The following GALNT13 variants were observed in gnomAD, a reference collection of about 807,000 sequenced individuals.
GALNT13 encodes UDP-GalNAc:polypeptide N-acetylgalactosaminyltransferase 13.
GALNT13 carries 28 observed loss-of-function variants against 64.2 expected under a neutral mutation model. The observed-to-expected ratio is 0.44, with a 90% CI of 0.32 to 0.60. The LOEUF (loss-of-function observed/expected upper bound fraction) is 0.60. Among genes scored for constraint, GALNT13 ranks in the 20% least tolerant of loss-of-function variants. The pLI is 0.05. For missense variants in GALNT13, 577 were observed against 669.8 expected (o/e 0.86, Z 1.53); for synonymous variants, 214 against 224.6 (o/e 0.95, Z 0.42).
At chr2:154,045,963 T>A (rs1381072907) in intron 3 of GALNT13, among the ~76,000 whole-genome samples, 1 of 152,148 alleles carries the variant, frequency 6.6e-6, no homozygotes, top group Non-Finnish European at 1.5e-5. Context: ...AGTTTTTTTT[T>A]GCTTGTTCAT....
intron 8 of GALNT13, among the ~76,000 whole-genome samples, chr2:154,260,698 T>C (rs1690650438): frequency 6.6e-6 from 1 of 152,300 alleles, no homozygotes; most frequent in East Asian, 1.9e-4. Flanking sequence ...GTTATGGTTC[T>C]TATGGTGAAA....
the GALNT13 span, among the ~76,000 whole-genome samples, chr2:153,602,526 G>A: frequency 1.3e-4 from 20 of 151,734 alleles, no homozygotes; most frequent in Admixed American, 1.3e-3. Flanking sequence ...TAGCCATGTG[G>A]ACATACGGGC....
At chr2:154,241,755 T>A (rs1039157137) in intron 4 of GALNT13, among the ~76,000 whole-genome samples, 4 of 152,196 alleles carry the variant, frequency 2.6e-5, no homozygotes, top group Non-Finnish European at 5.9e-5. Flanking sequence ...TTATTTTATA[T>A]TTCTTAGGTT....
chr2:153,100,698 A>G, the GALNT13 span, among the ~76,000 whole-genome samples: 1 of 152,200 alleles, frequency 6.6e-6, no homozygotes. Flanking sequence ...AGACAGGCAT[A>G]CACATAGACT....
the GALNT13 span, among the ~76,000 whole-genome samples, chr2:153,422,296 A>T: frequency 6.6e-6 from 1 of 152,234 alleles, no homozygotes; most frequent in African/African-American, 2.4e-5. Context: ...AGAATAATGA[A>T]GTCATCCAAA....
the GALNT13 span, among the ~76,000 whole-genome samples, chr2:153,362,343 G>C: frequency 2.0e-5 from 3 of 151,912 alleles, no homozygotes; most frequent in African/African-American, 7.3e-5. Context: ...TAACCAGCTA[G>C]CATCATGATG....
At chr2:154,161,489 G>T (rs957901121) in intron 4 of GALNT13, among the ~76,000 whole-genome samples, 2 of 152,126 alleles carry the variant, frequency 1.3e-5, no homozygotes, top group Admixed American at 1.3e-4. Flanking sequence ...TTACGTGGGT[G>T]GCTGAGACAG....
chr2:153,118,108 A>ACACACAC, the GALNT13 span, among the ~76,000 whole-genome samples: 1 of 12,782 alleles, frequency 7.8e-5, no homozygotes, highest in East Asian at 3.6e-3. Flanking sequence ...ACTATGTACC[A>ACACACAC]ACACACACAC....
At chr2:154,138,721 T>G (rs1180286458) in intron 3 of GALNT13, among the ~76,000 whole-genome samples, 1 of 152,000 alleles carries the variant, frequency 6.6e-6, no homozygotes, top group Non-Finnish European at 1.5e-5. Context: ...AAAAAATTTT[T>G]TTAATCTTAC....
intron 3 of GALNT13, among the ~76,000 whole-genome samples, chr2:153,988,088 A>ACG (rs1332717410): frequency 1.3e-5 from 2 of 151,810 alleles, no homozygotes. Context: ...ACACACACAC[A>ACG]CACACACACA....
At chr2:153,483,560 G>C in the GALNT13 span, among the ~76,000 whole-genome samples, 1 of 151,858 alleles carries the variant, frequency 6.6e-6, no homozygotes, top group Non-Finnish European at 1.5e-5. Flanking sequence ...GGGATTACAG[G>C]TATGAGGCAC....
At chr2:154,429,482 A>G (rs1700616986) in intron 11 of GALNT13, among the ~76,000 whole-genome samples, 1 of 152,172 alleles carries the variant, frequency 6.6e-6, no homozygotes, top group African/African-American at 2.4e-5. Context: ...TAATTCTATG[A>G]TGGGTGAGAA....
At chr2:154,084,513 C>A (rs757543954) in intron 3 of GALNT13, among the ~76,000 whole-genome samples, 10 of 151,720 alleles carry the variant, frequency 6.6e-5, no homozygotes, top group Non-Finnish European at 8.8e-5. Flanking sequence ...TTATTTAAGT[C>A]TACTTGGAAA....
At chr2:154,381,412 T>A (rs1259724726) in intron 9 of GALNT13, among the ~76,000 whole-genome samples, 2 of 152,084 alleles carry the variant, frequency 1.3e-5, no homozygotes, top group Non-Finnish European at 1.5e-5. Flanking sequence ...CAGTTGCCTA[T>A]TCTTTGCATT....
the GALNT13 span, among the ~76,000 whole-genome samples, chr2:153,321,803 A>AG: frequency 6.6e-6 from 1 of 152,152 alleles, no homozygotes; most frequent in Non-Finnish European, 1.5e-5. Context: ...AGTGTTTGGT[A>AG]GGGATATGAA....
At chr2:154,080,974 A>G (rs137960617) in intron 3 of GALNT13, among the ~76,000 whole-genome samples, 1 of 151,502 alleles carries the variant, frequency 6.6e-6, no homozygotes, top group Non-Finnish European at 1.5e-5. Context: ...CTGTAGCATA[A>G]GTCCCCATGT....
chr2:153,421,400 C>A, the GALNT13 span: 1 of 226,918 alleles, frequency 4.4e-6, no homozygotes, highest in South Asian at 8.7e-5. Context: ...AAGGCACAAT[C>A]AAAGTGCTGC....
intron 3 of GALNT13, among the ~76,000 whole-genome samples, chr2:154,049,370 GA>G (rs1699456735): frequency 6.8e-6 from 1 of 147,218 alleles, no homozygotes; most frequent in South Asian, 2.1e-4. Flanking sequence ...ATAATTTAAA[GA>G]ATATATATCA....
chr2:153,896,187 C>A (rs1398918884), intron 1 of GALNT13, among the ~76,000 whole-genome samples: 6 of 146,864 alleles, frequency 4.1e-5, no homozygotes, highest in African/African-American at 1.5e-4. Flanking sequence ...AGACTGATAA[C>A]CTTTTGTCTT....
Sources: gnomAD v4.1 joint callset for allele counts (sites outside exome capture counted in the v4.1 genomes callset) on GRCh38, gnomAD v4.1.1 for gene constraint, MANE v1.5 for transcripts, NCBI Gene and HGNC (gene_info 2026-07-23, HGNC 2026-07-21) for gene names.